Variants in VPS13B observed in about 807,000 individuals in gnomAD.
VPS13B encodes the protein intermembrane lipid transfer protein VPS13B.
In VPS13B, 285 loss-of-function variants were observed where a neutral mutation model predicts 426.4. The observed-to-expected ratio is 0.67, with a 90% confidence interval of 0.61 to 0.74. The LOEUF (loss-of-function observed/expected upper bound fraction) is 0.74, where lower values mean the gene tolerates loss of function less well. VPS13B is among the 30% of genes least tolerant of loss of function. VPS13B has a pLI of 0.00. For synonymous variants in VPS13B, 1,676 were observed against 1,676.4 expected (o/e 1.00, Z 0.01); for missense variants, 4,537 against 4,782.6 (o/e 0.95, Z 1.51).
At chr8:99,437,412 A>ATAT (rs545927276) in intron 22 of VPS13B, among the ~76,000 whole-genome samples, 13 of 151,032 alleles carry the variant, frequency 8.6e-5, no homozygotes, top group African/African-American at 2.9e-4. Context: ...TTTAAAAAAA[A>ATAT]ATATATATAT....
At chr8:99,299,455 A>G (rs564709479) in intron 19 of VPS13B, among the ~76,000 whole-genome samples, 52 of 152,324 alleles carry the variant, frequency 3.4e-4, no homozygotes, top group Non-Finnish European at 4.4e-5. Context: ...CACATAAAGT[A>G]TGTAGTGCAG....
intron 21 of VPS13B, chr8:99,429,685 C>T (rs956057064): frequency 2.2e-4 from 34 of 152,294 alleles, no homozygotes; most frequent in African/African-American, 7.5e-4. Flanking sequence ...ATGGATACAG[C>T]ATTTTACCAC....
chr8:99,841,995 C>T (rs1176274056), intron 54 of VPS13B, among the ~76,000 whole-genome samples: 4 of 152,168 alleles, frequency 2.6e-5, no homozygotes, highest in Admixed American at 1.3e-4. Context: ...AATCAGGCCC[C>T]GTCTCACTCC....
chr8:99,029,378 G>C (rs1842383481), intron 2 of VPS13B, among the ~76,000 whole-genome samples: 1 of 151,976 alleles, frequency 6.6e-6, no homozygotes, highest in Admixed American at 6.6e-5. Flanking sequence ...ACGGGGTGGC[G>C]GCCGGGCAGA....
chr8:99,811,551 C>G (rs900458996), intron 44 of VPS13B, among the ~76,000 whole-genome samples: 13 of 152,236 alleles, frequency 8.5e-5, no homozygotes, highest in African/African-American at 3.1e-4. Flanking sequence ...GCTGCTGGTC[C>G]AGGGACCACA....
At chr8:99,720,833 C>G (rs1466695211) in intron 38 of VPS13B, 30 bp from the exon 39 acceptor site, 1 of 1,581,058 alleles carries the variant, frequency 6.3e-7, no homozygotes, top group African/African-American at 1.4e-5. Flanking sequence ...CCCTTTAAAT[C>G]ATACAATTAA....
intron 21 of VPS13B, among the ~76,000 whole-genome samples, chr8:99,428,894 T>C (rs1337576970): frequency 6.6e-6 from 1 of 152,060 alleles, no homozygotes; most frequent in Non-Finnish European, 1.5e-5. Context: ...TGTCCAACAA[T>C]GATAGACTGG....
chr8:99,417,954 T>G (rs1480429610), intron 21 of VPS13B, among the ~76,000 whole-genome samples: 1 of 152,084 alleles, frequency 6.6e-6, no homozygotes, highest in Non-Finnish European at 1.5e-5. Context: ...ATTGGTAGAA[T>G]AAAAAAAGAA....
intron 23 of VPS13B, among the ~76,000 whole-genome samples, chr8:99,462,688 G>T (rs1423540336): frequency 6.6e-6 from 1 of 152,120 alleles, no homozygotes; most frequent in African/African-American, 2.4e-5. Context: ...AAATTCATAT[G>T]TTGAGCCCTT....
intron 19 of VPS13B, among the ~76,000 whole-genome samples, chr8:99,288,884 A>C (rs145728251): frequency 6.6e-6 from 1 of 152,172 alleles, no homozygotes; most frequent in East Asian, 1.9e-4. Context: ...AGGAACAAAG[A>C]TATTGATTGT....
chr8:99,585,065 G>A (rs980441327), intron 33 of VPS13B, among the ~76,000 whole-genome samples: 4 of 152,110 alleles, frequency 2.6e-5, no homozygotes, highest in African/African-American at 9.7e-5. Context: ...AAGCAGTAAG[G>A]GAGTATACAT....
rs751418009 is a variant in VPS13B at position 99,864,710 on chromosome 8, G to A, written c.11215+2764G>A. On this transcript the variant is annotated intron_variant, in intron 58 of 61. Coordinates refer to ENST00000357162, the MANE Select transcript of VPS13B (RefSeq NM_152564.5). Reference sequence around the variant, plus strand: ...TTAGAGTTGGCAAAGCGTTTTCAAAGGTGTCATCTTATTTGATCTTCACAA... The same window carrying A: ...TTAGAGTTGGCAAAGCGTTTTCAAAAGTGTCATCTTATTTGATCTTCACAA... Among the ~76,000 whole-genome samples, 126 of 152,170 alleles carry A rather than the reference G, an allele frequency of 8.3e-4. 1 individual carries two copies. The highest frequency in any genetic ancestry group is 1.2e-3 in the Non-Finnish European group (83 of 68,032).
At chr8:99,298,010 T>C (rs1820136574) in intron 19 of VPS13B, among the ~76,000 whole-genome samples, 1 of 152,210 alleles carries the variant, frequency 6.6e-6, no homozygotes, top group South Asian at 2.1e-4. Flanking sequence ...TTCATCTTTT[T>C]GAGCTTGCCT....
At chr8:99,366,811 G>T (rs544190028) in intron 19 of VPS13B, among the ~76,000 whole-genome samples, 1 of 151,816 alleles carries the variant, frequency 6.6e-6, no homozygotes, top group Non-Finnish European at 1.5e-5. Flanking sequence ...ATCTTATAAC[G>T]CATTATTTTA....
intron 3 of VPS13B, among the ~76,000 whole-genome samples, chr8:99,090,387 C>T (rs1432132508): frequency 6.6e-6 from 1 of 151,864 alleles, no homozygotes; most frequent in Non-Finnish European, 1.5e-5. Context: ...CCTGCCTCAG[C>T]CTCCTGAGTA....
intron 54 of VPS13B, among the ~76,000 whole-genome samples, chr8:99,845,930 CTTAT>C (rs1003303405): frequency 4.2e-4 from 64 of 152,290 alleles, no homozygotes; most frequent in African/African-American, 1.5e-3. Context: ...ACATAAAGCC[CTTAT>C]TTATTCTCTA....
At chr8:99,605,619 G>A (rs1405864021) in intron 33 of VPS13B, among the ~76,000 whole-genome samples, 1 of 152,066 alleles carries the variant, frequency 6.6e-6, no homozygotes, top group Non-Finnish European at 1.5e-5. Flanking sequence ...TTTTCATGGA[G>A]CCATATTCAC....
intron 17 of VPS13B, among the ~76,000 whole-genome samples, chr8:99,215,528 A>G (rs147450085): frequency 3.3e-4 from 51 of 152,328 alleles, no homozygotes; most frequent in African/African-American, 1.2e-3. Flanking sequence ...AAGGATACAT[A>G]CTTGGGTCAT....
intron 19 of VPS13B, among the ~76,000 whole-genome samples, chr8:99,303,885 A>G (rs116784071): frequency 0.012 from 1,821 of 152,156 alleles, 40 homozygotes; most frequent in African/African-American, 0.042. Flanking sequence ...ATTTATATGC[A>G]TATTTATTTA....
Sources: allele counts gnomAD v4.1 joint callset (sites outside exome capture counted in the v4.1 genomes callset), GRCh38; gene constraint gnomAD v4.1.1; transcripts MANE v1.5; gene names NCBI Gene and HGNC (gene_info 2026-07-23, HGNC 2026-07-21).